MID1: variants seen among roughly 807,000 people sequenced by gnomAD.
The protein encoded by MID1 is E3 ubiquitin-protein ligase Midline-1.
Under a neutral mutation model 40.4 loss-of-function variants are expected in MID1, and 7 were observed. The ratio of observed to expected loss-of-function variants is 0.17; its 90% confidence interval spans 0.10 to 0.33. MID1 has a LOEUF of 0.33. Among genes scored for constraint, MID1 ranks in the 10% least tolerant of loss-of-function variants. MID1 has a pLI of 1.00. For synonymous variants in MID1, 229 were observed against 221.2 expected, an observed-to-expected ratio of 1.04 and a Z score of -0.31; for missense variants, 367 against 558.5, an observed-to-expected ratio of 0.66 and a Z score of 3.46.
upstream of MID1, among the ~76,000 whole-genome samples, chrX:10,623,335 AAGGG>A (rs57710641): frequency 6.0e-4 from 65 of 108,954 alleles, no homozygotes; most frequent in African/African-American, 1.8e-3. Flanking sequence ...GGAAGGAAGG[AAGGG>A]AAAAAGAAAA....
Position 10,791,032 on chromosome X carries a change from T to C in MID1, c.-187+42522A>G, listed in dbSNP as rs746381332. On this transcript the variant is annotated intron_variant, in intron 1 of 10. Coordinates refer to the MID1 transcript ENST00000380785. ...GGGTAGGCAATATCCTTGCTGAAGA[T>C]AGACATCTGGATCTTTCATAAATTA... 2.0e-3 allele frequency among the ~76,000 whole-genome samples: 230 copies of C among 112,757 alleles called. 1 individual carries two copies. Among genetic ancestry groups the C allele is most frequent in the African/African-American group, 6.9e-3 (213 of 31,092 alleles).
intron 1 of MID1, among the ~76,000 whole-genome samples, chrX:10,656,738 A>G (rs1241918280): frequency 9.1e-6 from 1 of 110,222 alleles, no homozygotes; most frequent in East Asian, 2.8e-4. Context: ...CAAATCACAT[A>G]CAGTAGAAGT....
chrX:10,640,342 C>A (rs113554722), intron 1 of MID1, among the ~76,000 whole-genome samples: 7,015 of 109,818 alleles, frequency 0.064, 377 homozygotes, highest in African/African-American at 0.18. Context: ...AAATGGGGGG[C>A]AAAAAAAGCA....
In MID1 at chrX:10,516,593, TGTGTGTGTGTGTGTGTGCGCGC is replaced by T. The variant is rs1297429118; in HGVS notation, c.756+6477_756+6498del. Among the ~76,000 whole-genome samples the T allele has an allele frequency of 3.5e-3, 295 of 84,091 alleles. 1 individual carries two copies. Among genetic ancestry groups the T allele is most frequent in the Middle Eastern group, 0.016 (3 of 186 alleles). The allele number at this position is 84,091 out of a possible 115,157, so 73.0% of individuals were successfully genotyped here. A position where few individuals can be genotyped will look rare whatever the true frequency, so the allele number is the denominator to read the frequency against. On this transcript the variant is annotated intron_variant, in intron 3 of 9. Transcript: ENST00000317552. ...GTGTGTGTGTGTGTGTGTGTGTGTGTGTGTGTGTGTGTGTGTGCGCGCGCGCACGCGTGTGTTTTAAGAGACA... is the reference window on the plus strand; with the variant it reads ...GTGTGTGTGTGTGTGTGTGTGTGTGTGCGCACGCGTGTGTTTTAAGAGACA...
intron 6 of MID1, among the ~76,000 whole-genome samples, chrX:10,471,813 A>G (rs1929724923): frequency 8.9e-6 from 1 of 112,497 alleles, no homozygotes; most frequent in African/African-American, 3.2e-5. Flanking sequence ...GTATTGCAAT[A>G]TACAATTAAA....
rs1933376302 is a variant in MID1, at chrX:10,539,223, A to C, written c.661-16036T>G. ...TTTAGGAGGAAACTGTACTATCAAG[A>C]TAATAGCAAACACTTCCCAAACATC... On this transcript the variant is annotated intron_variant, in intron 2 of 9. Transcript: ENST00000317552. Among the ~76,000 whole-genome samples the C allele has an allele frequency of 2.7e-5, 3 of 112,185 alleles. No homozygotes were observed. The South Asian group carries it at 1.1e-3, about 41-fold the overall frequency.
chrX:10,556,629 C>G (rs1934132395), intron 2 of MID1, among the ~76,000 whole-genome samples: 1 of 111,927 alleles, frequency 8.9e-6, no homozygotes, highest in Non-Finnish European at 1.9e-5. Context: ...TAAAATAATA[C>G]CTCGTGTACA....
At chrX:10,722,519 C>T (rs373727668) in intron 1 of MID1, among the ~76,000 whole-genome samples, 1 of 112,273 alleles carries the variant, frequency 8.9e-6, no homozygotes, top group African/African-American at 3.2e-5. Context: ...ACAAAAAATA[C>T]CTTCCCTGGT....
At chrX:10,802,207 A>G (rs1271555859) in intron 1 of MID1, among the ~76,000 whole-genome samples, 1 of 111,864 alleles carries the variant, frequency 8.9e-6, no homozygotes, top group Non-Finnish European at 1.9e-5. Context: ...AAAACAAAAC[A>G]AAAACAAACA....
At chrX:10,552,099 C>T (rs960118972) in intron 2 of MID1, among the ~76,000 whole-genome samples, 2 of 109,991 alleles carry the variant, frequency 1.8e-5, no homozygotes, top group African/African-American at 6.6e-5. Flanking sequence ...ATTACTTTAT[C>T]CTATCCTTTG....
intron 1 of MID1, among the ~76,000 whole-genome samples, chrX:10,719,102 CA>C (rs1307763097): frequency 9.0e-6 from 1 of 111,335 alleles, no homozygotes; most frequent in African/African-American, 3.3e-5. Flanking sequence ...ACTGAATGGG[CA>C]AAAACTGGAA....
chrX:10,617,054 G>A lies in MID1; in HGVS notation c.-57+3236C>T, dbSNP rs979152756. ...AACATACTTGGGACACAATATACTTGCCAGTTACAGAATGATAAGAAAAAG... is the reference window on the plus strand; with the variant it reads ...AACATACTTGGGACACAATATACTTACCAGTTACAGAATGATAAGAAAAAG... On this transcript the variant is annotated intron_variant, in intron 1 of 9. Transcript: ENST00000317552. 2.7e-5 allele frequency among the ~76,000 whole-genome samples: 3 copies of A among 112,143 alleles called. No individual in the cohort carries two copies. In the East Asian group the frequency reaches 8.4e-4, roughly 31 times the overall value.
intron 2 of MID1, among the ~76,000 whole-genome samples, chrX:10,555,393 G>A (rs763605069): frequency 4.5e-5 from 5 of 111,632 alleles, no homozygotes; most frequent in African/African-American, 1.3e-4. Flanking sequence ...TATCAACACC[G>A]AAGTCAGTGG....
chrX:10,723,885 C>T (rs1233431285), intron 1 of MID1, among the ~76,000 whole-genome samples: 1 of 111,966 alleles, frequency 8.9e-6, no homozygotes, highest in Non-Finnish European at 1.9e-5. Context: ...GATCCGCAGC[C>T]GAAATATTTA....
chrX:10,579,523 T>C (rs1445942661), intron 1 of MID1, among the ~76,000 whole-genome samples: 1 of 111,882 alleles, frequency 8.9e-6, no homozygotes, highest in African/African-American at 3.2e-5. Context: ...GTAATGACGA[T>C]GTTATAGAGT....
At chrX:10,793,266 T>C (rs995551460) in intron 1 of MID1, among the ~76,000 whole-genome samples, 1 of 112,538 alleles carries the variant, frequency 8.9e-6, no homozygotes, top group Non-Finnish European at 1.9e-5. Context: ...GAGCTTTTCA[T>C]ACATTGCTGA....
At chrX:10,814,062 A>T (rs970356210) in intron 1 of MID1, among the ~76,000 whole-genome samples, 12 of 111,676 alleles carry the variant, frequency 1.1e-4, no homozygotes, top group Non-Finnish European at 2.3e-4. Context: ...TATAATTTTC[A>T]CTTGTCACAA....
chrX:10,669,230 T>TAAA (rs761817483), intron 1 of MID1, among the ~76,000 whole-genome samples: 13 of 47,012 alleles, frequency 2.8e-4, no homozygotes, highest in East Asian at 8.8e-4. Context: ...CGTCTCAAAA[T>TAAA]AAAAAAAAAA....
Position 10,785,799 on chromosome X carries a change from C to T in MID1, c.-187+47755G>A, listed in dbSNP as rs764561084. ...CTGAAACTGGATCCCTTCCTTACGCCTTATACAAAAATTAATTCAAGATGG... is the reference window on the plus strand; with the variant it reads ...CTGAAACTGGATCCCTTCCTTACGCTTTATACAAAAATTAATTCAAGATGG... On this transcript the variant is annotated intron_variant, in intron 1 of 10. Coordinates refer to the MID1 transcript ENST00000380785. Among the ~76,000 whole-genome samples the T allele has an allele frequency of 3.6e-5, 4 of 111,923 alleles. No individual in the cohort carries two copies. The South Asian group carries it at 1.5e-3, about 42-fold the overall frequency.
Sources: allele counts gnomAD v4.1 joint callset (sites outside exome capture counted in the v4.1 genomes callset), GRCh38; gene constraint gnomAD v4.1.1; transcripts MANE v1.5; gene names NCBI Gene and HGNC (gene_info 2026-07-23, HGNC 2026-07-21).